Variants in CNBD1 observed in about 807,000 individuals in gnomAD.
CNBD1 encodes the protein cyclic nucleotide binding domain containing 1, also known as cyclic nucleotide-binding domain-containing protein 1.
Under a neutral mutation model 54.4 loss-of-function variants are expected in CNBD1, and 71 were observed. That is an observed-to-expected ratio of 1.30 (90% CI 1.08 to 1.59). CNBD1 has a LOEUF of 1.59. Ranked by LOEUF, CNBD1 falls within the 40% of genes most tolerant of loss-of-function variation. The pLI, the probability that CNBD1 is intolerant of heterozygous loss-of-function variation, is 0.00. For missense variants in CNBD1, 659 were observed against 518.0 expected, an observed-to-expected ratio of 1.27 and a Z score of -2.64; for synonymous variants, 182 against 170.7, an observed-to-expected ratio of 1.07 and a Z score of -0.51.
intron 3 of CNBD1, among the ~76,000 whole-genome samples, chr8:86,930,667 G>A (rs763227489): frequency 6.6e-6 from 1 of 152,164 alleles, no homozygotes; most frequent in Non-Finnish European, 1.5e-5. Flanking sequence ...GGGGTATAGA[G>A]GTTGGTTACA....
At chr8:87,347,138 C>A (rs1035739752) in intron 8 of CNBD1, among the ~76,000 whole-genome samples, 1 of 152,160 alleles carries the variant, frequency 6.6e-6, no homozygotes, top group South Asian at 2.1e-4. Context: ...CACCGCCAGA[C>A]AGATACAACT....
chr8:87,017,524 C>T (rs112093108), intron 4 of CNBD1, among the ~76,000 whole-genome samples: 2,654 of 152,134 alleles, frequency 0.017, 77 homozygotes, highest in African/African-American at 0.053. Flanking sequence ...TAATGTTTCC[C>T]AAAAAGTTCC....
chr8:87,021,429 A>G (rs952603627), intron 4 of CNBD1, among the ~76,000 whole-genome samples: 1 of 152,246 alleles, frequency 6.6e-6, no homozygotes, highest in Admixed American at 6.5e-5. Flanking sequence ...ATGAATAATA[A>G]GATGCTATTT....
intron 3 of CNBD1, among the ~76,000 whole-genome samples, chr8:86,931,516 A>T (rs1052369368): frequency 6.6e-6 from 1 of 152,052 alleles, no homozygotes; most frequent in African/African-American, 2.4e-5. Flanking sequence ...CACTGATAAC[A>T]AGCCCTACTA....
At chr8:87,303,789 A>G (rs928130362) in intron 8 of CNBD1, among the ~76,000 whole-genome samples, 5 of 123,436 alleles carry the variant, frequency 4.1e-5, no homozygotes, top group Non-Finnish European at 7.3e-5. Flanking sequence ...CAAATTTACA[A>G]GAAAAAAAAT....
At chr8:87,201,037 A>C (rs1813848705) in intron 4 of CNBD1, among the ~76,000 whole-genome samples, 1 of 152,152 alleles carries the variant, frequency 6.6e-6, no homozygotes, top group African/African-American at 2.4e-5. Context: ...ACATATAAAA[A>C]ACATTCCATC....
At chr8:87,391,181 T>G (rs1395284130) in intron 2 of CNBD1, among the ~76,000 whole-genome samples, 1 of 152,136 alleles carries the variant, frequency 6.6e-6, no homozygotes, top group Non-Finnish European at 1.5e-5. Flanking sequence ...ACATGGCATA[T>G]GTATACATAT....
Position 87,340,167 on chromosome 8 carries a change from GA to G in CNBD1, c.1043-11517del, listed in dbSNP as rs144270821. The stretch of plus-strand genomic sequence containing the variant: ...TTTGCTGCATCTAATTATATTTGTT[GA>G]TGGCACTTTTCTTTCAACATTGAAT... On this transcript the variant is annotated intron_variant, in intron 8 of 10. Transcript: ENST00000518476. 3.3e-3 allele frequency among the ~76,000 whole-genome samples: 508 copies of G among 152,236 alleles called. 3 individuals are homozygous for G. Among genetic ancestry groups the G allele is most frequent in the African/African-American group, 0.01 (434 of 41,540 alleles).
chr8:87,269,181 T>TTTGTATAACAAA (rs1808317366), intron 6 of CNBD1, among the ~76,000 whole-genome samples: 4 of 152,096 alleles, frequency 2.6e-5, no homozygotes, highest in Non-Finnish European at 5.9e-5. Flanking sequence ...GAATAGGCAG[T>TTTGTATAACAAA]CCTTTCCCTA....
At chr8:87,170,732 A>G (rs1554563140) in intron 4 of CNBD1, among the ~76,000 whole-genome samples, 1 of 152,130 alleles carries the variant, frequency 6.6e-6, no homozygotes, top group Non-Finnish European at 1.5e-5. Context: ...AGGGATGTTG[A>G]ATTTTATCAA....
intron 8 of CNBD1, among the ~76,000 whole-genome samples, chr8:87,330,898 G>A (rs537077386): frequency 2.6e-5 from 4 of 152,024 alleles, no homozygotes; most frequent in Non-Finnish European, 5.9e-5. Context: ...ATATAAATTA[G>A]GTTTCTCATA....
chr8:87,371,606 G>T (rs1419714206), intron 10 of CNBD1, among the ~76,000 whole-genome samples: 1 of 151,946 alleles, frequency 6.6e-6, no homozygotes, highest in East Asian at 1.9e-4. Flanking sequence ...CTGGCAAACT[G>T]AATCCAGCAG....
At position 87,206,155 on chromosome 8, in the gene CNBD1, G is replaced by T; in HGVS notation, c.577+17G>T. The T allele has an allele frequency of 1.3e-6, 2 of 1,515,316 alleles. No homozygotes were observed. Among genetic ancestry groups the T allele is most frequent in the Non-Finnish European group, 1.8e-6 (2 of 1,130,716 alleles). 93.9% of individuals were successfully genotyped at this position (1,515,316 alleles called of 1,614,324 possible). ...GCAGCACAGGTAATAGACTAATGTGGGATAAATTTGGCGAGATAAAATGCA... is the reference window on the plus strand; with the variant it reads ...GCAGCACAGGTAATAGACTAATGTGTGATAAATTTGGCGAGATAAAATGCA... On this transcript the variant is annotated intron_variant, in intron 5 of 10. Coordinates refer to ENST00000518476, the MANE Select transcript of CNBD1 (RefSeq NM_173538.3).
chr8:87,230,136 G>A (rs1341159497), intron 5 of CNBD1, among the ~76,000 whole-genome samples: 2 of 152,074 alleles, frequency 1.3e-5, no homozygotes, highest in Admixed American at 6.6e-5. Flanking sequence ...AGAGGGAGGT[G>A]CCACATAGTT....
chr8:87,367,623 T>C (rs1810667416), intron 10 of CNBD1, among the ~76,000 whole-genome samples: 1 of 152,164 alleles, frequency 6.6e-6, no homozygotes, highest in Non-Finnish European at 1.5e-5. Context: ...GTATTCACTG[T>C]GTTCCACACA....
At chr8:87,094,018 A>G (rs1811269514) in intron 4 of CNBD1, among the ~76,000 whole-genome samples, 1 of 152,212 alleles carries the variant, frequency 6.6e-6, no homozygotes, top group Admixed American at 6.5e-5. Context: ...CTTAACCTGC[A>G]CTGTTGGTTC....
At chr8:87,257,535 A>G (rs752124367) in intron 6 of CNBD1, among the ~76,000 whole-genome samples, 1 of 152,078 alleles carries the variant, frequency 6.6e-6, no homozygotes, top group Non-Finnish European at 1.5e-5. Context: ...CACCTCATCA[A>G]TATATTCAAA....
intron 10 of CNBD1, among the ~76,000 whole-genome samples, chr8:87,368,428 G>T (rs193175993): frequency 6.6e-6 from 1 of 151,950 alleles, no homozygotes; most frequent in African/African-American, 2.4e-5. Context: ...TTGAGGCCAG[G>T]AGATGGAGAC....
At chr8:87,422,636 T>G (rs1807961215) in intron 2 of CNBD1, among the ~76,000 whole-genome samples, 1 of 152,146 alleles carries the variant, frequency 6.6e-6, no homozygotes, top group Non-Finnish European at 1.5e-5. Context: ...GATCTATAGC[T>G]CTGTTTAGGT....
Sources: gnomAD v4.1 joint callset for allele counts (sites outside exome capture counted in the v4.1 genomes callset) on GRCh38, gnomAD v4.1.1 for gene constraint, MANE v1.5 for transcripts, NCBI Gene and HGNC (gene_info 2026-07-23, HGNC 2026-07-21) for gene names.